The following SAMMSON variants were observed in gnomAD, a reference collection of about 807,000 sequenced individuals.
The protein encoded by SAMMSON is survival associated mitochondrial melanoma specific oncogenic non-coding RNA.
intron 7 of SAMMSON, among the ~76,000 whole-genome samples, chr3:70,353,058 AGTTT>A (rs1702804423): frequency 6.6e-6 from 1 of 152,002 alleles, no homozygotes. Flanking sequence ...AGAACTACTA[AGTTT>A]CACTTTATAT....
intron 1 of SAMMSON, among the ~76,000 whole-genome samples, chr3:70,007,024 C>T (rs900455844): frequency 6.6e-6 from 1 of 152,090 alleles, no homozygotes; most frequent in Non-Finnish European, 1.5e-5. Flanking sequence ...ATATGTGCCA[C>T]ATTTTCTTCA....
chr3:70,208,922 A>C (rs1247673243), intron 4 of SAMMSON, among the ~76,000 whole-genome samples: 3 of 152,086 alleles, frequency 2.0e-5, no homozygotes, highest in Non-Finnish European at 4.4e-5. Flanking sequence ...GATTGGCAGA[A>C]ATAGGGATTC....
intron 2 of SAMMSON, among the ~76,000 whole-genome samples, chr3:70,013,268 G>A (rs1410458562): frequency 6.6e-6 from 1 of 152,176 alleles, no homozygotes; most frequent in East Asian, 1.9e-4. Context: ...TTTAAAGCCT[G>A]AATGAGTTTC....
At chr3:70,011,853 G>C (rs1052881469) in intron 1 of SAMMSON, among the ~76,000 whole-genome samples, 1 of 152,094 alleles carries the variant, frequency 6.6e-6, no homozygotes, top group Non-Finnish European at 1.5e-5. Flanking sequence ...AATAATCACT[G>C]CTCATACTGT....
intron 4 of SAMMSON, among the ~76,000 whole-genome samples, chr3:70,230,207 G>T (rs1015451711): frequency 6.6e-6 from 1 of 152,116 alleles, no homozygotes; most frequent in Non-Finnish European, 1.5e-5. Flanking sequence ...CTTACTGGTA[G>T]ATACCATAAT....
At chr3:70,092,728 A>G (rs2067309223) in intron 4 of SAMMSON, among the ~76,000 whole-genome samples, 1 of 152,028 alleles carries the variant, frequency 6.6e-6, no homozygotes, top group Non-Finnish European at 1.5e-5. Context: ...TTTTTTAATT[A>G]CCTGTTCACT....
chr3:70,336,775 C>T (rs1227815319), intron 7 of SAMMSON, among the ~76,000 whole-genome samples: 2 of 148,946 alleles, frequency 1.3e-5, no homozygotes, highest in Non-Finnish European at 3.0e-5. Context: ...GAATCATCAT[C>T]TTTCCTTTTT....
intron 4 of SAMMSON, among the ~76,000 whole-genome samples, chr3:70,104,056 T>C (rs1212961163): frequency 2.0e-5 from 3 of 151,730 alleles, no homozygotes; most frequent in East Asian, 1.9e-4. Context: ...TGACCTAAGC[T>C]TCTGTGGTAG....
At chr3:70,298,614 A>G (rs1278540159) in intron 7 of SAMMSON, among the ~76,000 whole-genome samples, 1 of 152,154 alleles carries the variant, frequency 6.6e-6, no homozygotes, top group Non-Finnish European at 1.5e-5. Context: ...TAAAATCACC[A>G]TGACTGTGCT....
chr3:70,190,756 G>T (rs886224124), intron 4 of SAMMSON, among the ~76,000 whole-genome samples: 2 of 152,102 alleles, frequency 1.3e-5, no homozygotes, highest in Non-Finnish European at 2.9e-5. Flanking sequence ...ACTTCATGGG[G>T]TGTATACATT....
chr3:70,232,584 G>A (rs1056834795), intron 4 of SAMMSON, among the ~76,000 whole-genome samples: 3 of 151,960 alleles, frequency 2.0e-5, no homozygotes, highest in Non-Finnish European at 4.4e-5. Flanking sequence ...ATTTTTGATA[G>A]AGACGGGGTT....
chr3:70,323,736 C>T (rs139689364), intron 7 of SAMMSON, among the ~76,000 whole-genome samples: 1 of 152,258 alleles, frequency 6.6e-6, no homozygotes, highest in East Asian at 1.9e-4. Context: ...AGCTCCTTCA[C>T]CTTGTTCCTT....
chr3:70,308,679 T>C (rs1219119794), intron 7 of SAMMSON, among the ~76,000 whole-genome samples: 1 of 152,140 alleles, frequency 6.6e-6, no homozygotes, highest in Non-Finnish European at 1.5e-5. Flanking sequence ...TTCTTTTTTG[T>C]ATTGTTCTCT....
chr3:70,306,177 C>T (rs546435317), intron 7 of SAMMSON, among the ~76,000 whole-genome samples: 1 of 152,268 alleles, frequency 6.6e-6, no homozygotes, highest in Admixed American at 6.5e-5. Flanking sequence ...GGTCTCAGCT[C>T]ACTGCAACCT....
intron 4 of SAMMSON, among the ~76,000 whole-genome samples, chr3:70,161,250 C>G (rs933137350): frequency 6.6e-6 from 1 of 151,950 alleles, no homozygotes; most frequent in Non-Finnish European, 1.5e-5. Context: ...TATCCTGTTC[C>G]CAATCTTAGG....
At chr3:70,241,789 A>C (rs2106641995) in intron 4 of SAMMSON, among the ~76,000 whole-genome samples, 1 of 152,304 alleles carries the variant, frequency 6.6e-6, no homozygotes, top group African/African-American at 2.4e-5. Context: ...TTAATGTTGA[A>C]AATATTATAC....
rs116607125 is a variant in SAMMSON at position 70,203,202 on chromosome 3, C to A, written n.508-45905C>A. Among the ~76,000 whole-genome samples, 879 of 152,198 alleles carry A rather than the reference C, an allele frequency of 5.8e-3. 12 individuals carry two copies. Among genetic ancestry groups the A allele is most frequent in the African/African-American group, 0.02 (824 of 41,534 alleles). ...GAAAAAGAAAAGAGCCAGCATGATACCAGCCCCAAGCCAGTATTTTAATAC... is the reference window on the plus strand; with the variant it reads ...GAAAAAGAAAAGAGCCAGCATGATAACAGCCCCAAGCCAGTATTTTAATAC... On this transcript the variant is annotated intron_variant and non_coding_transcript_variant, in intron 4 of 9. Coordinates refer to ENST00000642114, the Ensembl canonical transcript of SAMMSON.
chr3:70,395,332 T>TC (rs1491472756), intron 2 of SAMMSON, among the ~76,000 whole-genome samples: 24 of 35,012 alleles, frequency 6.9e-4, no homozygotes, highest in African/African-American at 1.2e-3. Flanking sequence ...TCTCTCTCTC[T>TC]TTTTTTTTTT....
At chr3:70,142,987 C>T (rs2106682288) in intron 4 of SAMMSON, among the ~76,000 whole-genome samples, 1 of 152,250 alleles carries the variant, frequency 6.6e-6, no homozygotes, top group African/African-American at 2.4e-5. Flanking sequence ...TAAAAAAAGA[C>T]AAGGACACAG....
Sources: allele counts gnomAD v4.1 joint callset (sites outside exome capture counted in the v4.1 genomes callset), GRCh38; gene constraint gnomAD v4.1.1; transcripts MANE v1.5; gene names NCBI Gene and HGNC (gene_info 2026-07-23, HGNC 2026-07-21).